The following ZNF69 variants were observed in gnomAD, a reference collection of about 807,000 sequenced individuals.
The protein encoded by ZNF69 is ZNF3.
Under a neutral mutation model 50.9 loss-of-function variants are expected in ZNF69, and 47 were observed. The observed-to-expected ratio is 0.92, with a 90% confidence interval of 0.73 to 1.18. The LOEUF (loss-of-function observed/expected upper bound fraction) is 1.18. Among genes scored for constraint, ZNF69 ranks in the 50% most tolerant of loss-of-function variants. ZNF69 has a pLI of 0.00. For synonymous variants in ZNF69, 216 were observed against 223.1 expected, an observed-to-expected ratio of 0.97 and a Z score of 0.29; for missense variants, 717 against 675.1, an observed-to-expected ratio of 1.06 and a Z score of -0.69.
chr19:11,897,660 C>G (rs1371092810), intron 1 of ZNF69, among the ~76,000 whole-genome samples: 1 of 150,880 alleles, frequency 6.6e-6, no homozygotes, highest in Non-Finnish European at 1.5e-5. Flanking sequence ...ATCACAAGGT[C>G]AGGAGATCGA....
At chr19:11,942,838 T>G in the ZNF69 span, among the ~76,000 whole-genome samples, 4 of 152,198 alleles carry the variant, frequency 2.6e-5, no homozygotes, top group Non-Finnish European at 2.9e-5. Context: ...ATTTCTGCCT[T>G]CCTTTAACTT....
At chr19:11,926,457 C>G in the ZNF69 span, 2 of 152,434 alleles carry the variant, frequency 1.3e-5, no homozygotes, top group African/African-American at 4.8e-5. Flanking sequence ...GGCCTGATCT[C>G]GGCTCACTGC....
At chr19:11,979,735 C>T in the ZNF69 span, 2 of 1,596,866 alleles carry the variant, frequency 1.3e-6, no homozygotes, top group Non-Finnish European at 1.7e-6. Flanking sequence ...GTGGGAAAGC[C>T]TTCAGATCTG....
chr19:11,939,219 T>A, the ZNF69 span, among the ~76,000 whole-genome samples: 1 of 152,210 alleles, frequency 6.6e-6, no homozygotes. Context: ...GTGCAGAAGC[T>A]CTTTAGTTTA....
chr19:11,897,288 G>T (rs374950551), intron 1 of ZNF69, among the ~76,000 whole-genome samples: 1 of 152,002 alleles, frequency 6.6e-6, no homozygotes, highest in African/African-American at 2.4e-5. Flanking sequence ...CCAAGGTGGC[G>T]GTGAGCCAAG....
At chr19:11,892,609 A>G (rs1977122467) in intron 1 of ZNF69, among the ~76,000 whole-genome samples, 1 of 152,050 alleles carries the variant, frequency 6.6e-6, no homozygotes, top group South Asian at 2.1e-4. Context: ...GAAAAATCAT[A>G]TTAAATAAAT....
At chr19:11,965,041 T>C in the ZNF69 span, 1 of 760,540 alleles carries the variant, frequency 1.3e-6, no homozygotes, top group Non-Finnish European at 2.2e-6. Flanking sequence ...GTCGCATTCC[T>C]GTCCTCACCT....
intron 4 of ZNF69, among the ~76,000 whole-genome samples, chr19:11,912,879 A>G (rs1001242442): frequency 6.6e-6 from 1 of 152,240 alleles, no homozygotes; most frequent in Non-Finnish European, 1.5e-5. Context: ...CTGTATACTA[A>G]CAAATGTTAT....
chr19:11,890,437 T>G (rs1423697392), intron 1 of ZNF69, among the ~76,000 whole-genome samples: 1 of 152,244 alleles, frequency 6.6e-6, no homozygotes, highest in East Asian at 1.9e-4. Flanking sequence ...CCATTAAACC[T>G]TGATTCAATA....
the ZNF69 span, among the ~76,000 whole-genome samples, chr19:11,940,222 G>T: frequency 6.6e-6 from 1 of 152,170 alleles, no homozygotes; most frequent in Admixed American, 6.5e-5. Context: ...GAGCCACAGT[G>T]CCCGGCCAAG....
At chr19:11,924,939 CT>C in the ZNF69 span, 1 of 407,902 alleles carries the variant, frequency 2.5e-6, no homozygotes, top group Non-Finnish European at 4.6e-6. Context: ...GCAGCTCGCC[CT>C]TAGAGAAGCT....
the ZNF69 span, among the ~76,000 whole-genome samples, chr19:11,932,785 C>T: frequency 1.0e-4 from 15 of 146,966 alleles, 1 homozygote; most frequent in Admixed American, 2.7e-4. Flanking sequence ...CTACAGGCAC[C>T]CGCCACCCCG....
At chr19:11,938,129 C>T in the ZNF69 span, among the ~76,000 whole-genome samples, 2 of 151,908 alleles carry the variant, frequency 1.3e-5, no homozygotes, top group Non-Finnish European at 2.9e-5. Context: ...AGTGCAGTGG[C>T]ATGATCTTGG....
chr19:11,921,643 C>T, the ZNF69 span, among the ~76,000 whole-genome samples: 1 of 151,920 alleles, frequency 6.6e-6, no homozygotes, highest in South Asian at 2.1e-4. Context: ...GCTGGGATTA[C>T]AGGCACCTGC....
the ZNF69 span, among the ~76,000 whole-genome samples, chr19:11,925,824 C>T: frequency 6.6e-6 from 1 of 151,954 alleles, no homozygotes; most frequent in African/African-American, 2.4e-5. Flanking sequence ...TAGGAGAGAC[C>T]TTGGCCGAGG....
At chr19:11,919,552 G>A in the ZNF69 span, among the ~76,000 whole-genome samples, 12 of 152,194 alleles carry the variant, frequency 7.9e-5, no homozygotes, top group East Asian at 2.1e-3. Flanking sequence ...GAGCCCAGGA[G>A]TTTAAAACCA....
the ZNF69 span, among the ~76,000 whole-genome samples, chr19:11,954,579 C>G: frequency 6.6e-6 from 1 of 152,096 alleles, no homozygotes; most frequent in Non-Finnish European, 1.5e-5. Flanking sequence ...ATCTGTAATC[C>G]CAACAATTTG....
At chr19:11,948,438 C>CT in the ZNF69 span, 20 of 1,614,110 alleles carry the variant, frequency 1.2e-5, no homozygotes, top group East Asian at 4.2e-4. Context: ...GCATAGGTAA[C>CT]TCATCTTTTA....
At chr19:11,920,950 G>T in the ZNF69 span, among the ~76,000 whole-genome samples, 1 of 152,112 alleles carries the variant, frequency 6.6e-6, no homozygotes, top group African/African-American at 2.4e-5. Context: ...CTCAGCAGCA[G>T]CTGTAACATC....
Sources: allele counts gnomAD v4.1 joint callset (sites outside exome capture counted in the v4.1 genomes callset), GRCh38; gene constraint gnomAD v4.1.1; transcripts MANE v1.5; gene names NCBI Gene and HGNC (gene_info 2026-07-23, HGNC 2026-07-21).